Variants in GUCY1A1 observed in about 807,000 individuals in gnomAD.
GUCY1A1 encodes the protein guanylate cyclase 1 soluble subunit alpha 1, also known as guanylate cyclase soluble subunit alpha-1.
GUCY1A1 carries 48 observed loss-of-function variants against 64.5 expected under a neutral mutation model. The ratio of observed to expected loss-of-function variants is 0.74; its 90% confidence interval spans 0.59 to 0.95. The LOEUF (loss-of-function observed/expected upper bound fraction) is 0.95, where lower values mean the gene tolerates loss of function less well. Among genes scored for constraint, GUCY1A1 ranks in the 40% least tolerant of loss-of-function variants. The probability of loss-of-function intolerance (pLI) is 0.00; values close to 1 mark genes in which losing one functional copy is unlikely to be tolerated. For missense variants in GUCY1A1, 804 were observed against 825.3 expected, an observed-to-expected ratio of 0.97 and a Z score of 0.32; for synonymous variants, 308 against 303.4, an observed-to-expected ratio of 1.02 and a Z score of -0.16.
intron 2 of GUCY1A1, among the ~76,000 whole-genome samples, chr4:155,677,449 G>T (rs1261313486): frequency 6.6e-6 from 1 of 152,182 alleles, no homozygotes; most frequent in Non-Finnish European, 1.5e-5. Context: ...GAAGTTTTAA[G>T]TATTGGATAG....
intron 2 of GUCY1A1, among the ~76,000 whole-genome samples, chr4:155,685,850 A>G (rs1201335241): frequency 1.3e-5 from 2 of 152,118 alleles, no homozygotes. Context: ...TCTTCTTTCC[A>G]AATATGACAA....
rs1332186342 is a variant in GUCY1A1 at position 155,731,203 on chromosome 4, A to G, written c.*972A>G. 1 of 151,954 alleles carries G rather than the reference A, an allele frequency of 6.6e-6. No homozygotes were observed. Among genetic ancestry groups the G allele is most frequent in the Non-Finnish European group, 1.5e-5 (1 of 67,886 alleles). 9.4% of individuals were successfully genotyped at this position (151,954 alleles called of 1,614,324 possible). A position where few individuals can be genotyped will look rare whatever the true frequency, so the allele number is the denominator to read the frequency against. On this transcript the variant is annotated 3_prime_UTR_variant, in exon 10 of 10. Transcript: ENST00000506455. ...TGGAACAATATGGACCCACTTCAGCAGACATCTTCTATTGCCATGCTGAGC... is the reference window on the plus strand; with the variant it reads ...TGGAACAATATGGACCCACTTCAGCGGACATCTTCTATTGCCATGCTGAGC...
intron 5 of GUCY1A1, among the ~76,000 whole-genome samples, chr4:155,708,581 A>G (rs1472449792): frequency 1.3e-5 from 2 of 152,192 alleles, no homozygotes; most frequent in Non-Finnish European, 2.9e-5. Flanking sequence ...ACTGTTCCTC[A>G]TTTATACATC....
chr4:155,686,691 T>C (rs1282868031), intron 2 of GUCY1A1, among the ~76,000 whole-genome samples: 2 of 152,232 alleles, frequency 1.3e-5, no homozygotes, highest in Non-Finnish European at 2.9e-5. Flanking sequence ...GGGAATAATA[T>C]GAATTAATAA....
intron 2 of GUCY1A1, among the ~76,000 whole-genome samples, chr4:155,669,124 C>A (rs2625280): frequency 1 from 151,806 of 152,270 alleles, 75,674 homozygotes; most frequent in Middle Eastern, 1. Flanking sequence ...ATGGTGTTAC[C>A]GTAGTTAAAT....
intron 2 of GUCY1A1, among the ~76,000 whole-genome samples, chr4:155,670,376 A>C (rs1050600027): frequency 2.0e-4 from 30 of 152,148 alleles, no homozygotes; most frequent in Admixed American, 1.0e-3. Context: ...AGCTTTTGTC[A>C]ATGTTTAGTT....
chr4:155,706,922 A>G (rs1485042020), intron 4 of GUCY1A1, among the ~76,000 whole-genome samples: 1 of 152,238 alleles, frequency 6.6e-6, no homozygotes, highest in African/African-American at 2.4e-5. Context: ...TATCAATAAA[A>G]AAGCATGCTA....
In GUCY1A1 at chr4:155,711,134, C is replaced by T. The variant is rs1476022490; in HGVS notation, c.969C>T (p.Tyr323=). The change falls in exon 6 of 10, where the codon TAC becomes TAT. Residue 323 remains tyrosine, a synonymous_variant. Transcript: ENST00000506455. ...AAGGAAAGCCTAATTTTGAAGAATA[C>T]TTTGAAATTCTGACTCCAAAAATCA... ...DFQGKPNFEE[Y]FEILTPKINQ... The T allele has an allele frequency of 6.2e-7, 1 of 1,613,328 alleles. No individual in the cohort carries two copies. Among genetic ancestry groups the T allele is most frequent in the Non-Finnish European group, 8.5e-7 (1 of 1,179,264 alleles).
Position 155,710,775 on chromosome 4 carries a change from T to C in GUCY1A1, c.610T>C (p.Tyr204His). Residue 204 changes from tyrosine (Y) to histidine (H), a missense_variant, in exon 6 of 10, where the codon TAC becomes CAC. Physicochemically the swap from Tyr to His is moderately conservative, Grantham distance 83 (BLOSUM62 2). Transcript: ENST00000506455. The stretch of plus-strand genomic sequence containing the variant: ...GGAGGATGATTTTCTACATGTTTAC[T>C]ACTTCTTCCCTAAGAGAACCACCTC... ...DKEDDFLHVY[Y>H]FFPKRTTSLI... 6.2e-7 allele frequency: 1 copy of C among 1,614,004 alleles called. No homozygotes were observed. The highest frequency in any genetic ancestry group is 8.5e-7 in the Non-Finnish European group (1 of 1,179,850).
At position 155,686,161 on chromosome 4, in the gene GUCY1A1, A is replaced by T. The variant is rs191141423; in HGVS notation, c.-112-10595A>T. On this transcript the variant is annotated intron_variant, in intron 2 of 9. Coordinates refer to ENST00000506455, the MANE Select transcript of GUCY1A1 (RefSeq NM_001130682.3). The stretch of plus-strand genomic sequence containing the variant: ...CAACCTAAACCTTTCCACCAAACTA[A>T]CATTGAGAAAGTAAGTAGATAAAAG... 7.9e-5 allele frequency among the ~76,000 whole-genome samples: 12 copies of T among 152,286 alleles called. No homozygotes were observed. The East Asian group carries it at 2.3e-3, about 29-fold the overall frequency.
intron 6 of GUCY1A1, among the ~76,000 whole-genome samples, chr4:155,712,677 A>G (rs1732727774): frequency 6.6e-6 from 1 of 152,172 alleles, no homozygotes; most frequent in South Asian, 2.1e-4. Context: ...GAAGGAAGCC[A>G]AAAAAATAGA....
chr4:155,670,537 T>C (rs1275678890), intron 2 of GUCY1A1, among the ~76,000 whole-genome samples: 1 of 152,216 alleles, frequency 6.6e-6, no homozygotes, highest in East Asian at 1.9e-4. Flanking sequence ...GGCTTCATCT[T>C]CCTATAGCCT....
chr4:155,726,164 A>G (rs1254447704), intron 9 of GUCY1A1, among the ~76,000 whole-genome samples: 1 of 151,968 alleles, frequency 6.6e-6, no homozygotes, highest in East Asian at 1.9e-4. Flanking sequence ...TATTGATTTC[A>G]ATAATAGTTT....
Position 155,709,811 on chromosome 4 carries a change from C to A in GUCY1A1, c.377-731C>A, listed in dbSNP as rs182421893. On this transcript the variant is annotated intron_variant, in intron 5 of 9. Coordinates refer to ENST00000506455, the MANE Select transcript of GUCY1A1 (RefSeq NM_001130682.3). Reference sequence around the variant, plus strand: ...TCGCACCACTGCACTCCAGCCTGGGCGACAGAGCGAGACTCTGTCTCAAAG... The same window carrying A: ...TCGCACCACTGCACTCCAGCCTGGGAGACAGAGCGAGACTCTGTCTCAAAG... Among the ~76,000 whole-genome samples, 12 of 151,936 alleles carry A rather than the reference C, an allele frequency of 7.9e-5. No homozygotes were observed. In the East Asian group the frequency reaches 2.1e-3, roughly 27 times the overall value.
chr4:155,717,740 G>A (rs1733451592), intron 8 of GUCY1A1, among the ~76,000 whole-genome samples: 1 of 152,090 alleles, frequency 6.6e-6, no homozygotes, highest in South Asian at 2.1e-4. Context: ...CAGCAAGATG[G>A]CAATCCTGCA....
intron 2 of GUCY1A1, among the ~76,000 whole-genome samples, chr4:155,683,227 A>G (rs531380830): frequency 1.6e-4 from 24 of 152,324 alleles, no homozygotes; most frequent in Non-Finnish European, 2.8e-4. Flanking sequence ...TTGAAAAACA[A>G]CACTAATAAT....
intron 2 of GUCY1A1, among the ~76,000 whole-genome samples, chr4:155,677,574 G>A (rs923589468): frequency 6.6e-6 from 1 of 152,114 alleles, no homozygotes; most frequent in African/African-American, 2.4e-5. Context: ...AATCAGGCCG[G>A]GCACCGTGGC....
chr4:155,709,562 G>A (rs1007641046), intron 5 of GUCY1A1, among the ~76,000 whole-genome samples: 15 of 152,308 alleles, frequency 9.8e-5, no homozygotes, highest in Non-Finnish European at 1.5e-5. Flanking sequence ...GGCAAGGCAT[G>A]GTGGTTCACG....
intron 4 of GUCY1A1, among the ~76,000 whole-genome samples, chr4:155,705,567 GC>G (rs1403637265): frequency 3.3e-4 from 50 of 151,028 alleles, no homozygotes; most frequent in Non-Finnish European, 2.9e-5. Context: ...AAAGTAATAG[GC>G]CCCGTTTTTG....
Sources: allele counts gnomAD v4.1 joint callset (sites outside exome capture counted in the v4.1 genomes callset), GRCh38; gene constraint gnomAD v4.1.1; transcripts MANE v1.5; gene names NCBI Gene and HGNC (gene_info 2026-07-23, HGNC 2026-07-21).